The following ASTN1 variants were observed in gnomAD, a reference collection of about 807,000 sequenced individuals.
The protein encoded by ASTN1 is astrotactin-1.
ASTN1 carries 41 observed loss-of-function variants against 140.7 expected under a neutral mutation model. The observed-to-expected ratio is 0.29, with a 90% CI of 0.23 to 0.38. The LOEUF (loss-of-function observed/expected upper bound fraction) is 0.38, where lower values mean the gene tolerates loss of function less well. ASTN1 is among the 10% of genes least tolerant of loss of function. The pLI, the probability that ASTN1 is intolerant of heterozygous loss-of-function variation, is 1.00. For synonymous variants in ASTN1, 640 were observed against 652.2 expected (o/e 0.98, Z 0.29); for missense variants, 1,479 against 1,678.8 (o/e 0.88, Z 2.08).
At chr1:177,106,079 G>A (rs575140225) in intron 1 of ASTN1, among the ~76,000 whole-genome samples, 11 of 152,252 alleles carry the variant, frequency 7.2e-5, no homozygotes, top group Admixed American at 2.0e-4. Flanking sequence ...CCAGGAACTG[G>A]TGCATACCAG....
chr1:177,003,273 A>G (rs573137229), intron 8 of ASTN1, among the ~76,000 whole-genome samples: 130 of 105,070 alleles, frequency 1.2e-3, no homozygotes, highest in Non-Finnish European at 2.0e-3. Context: ...CCAACAACAC[A>G]TTAAAAAAAA....
chr1:177,004,999 T>C (rs572986895), intron 8 of ASTN1, among the ~76,000 whole-genome samples: 1 of 152,240 alleles, frequency 6.6e-6, no homozygotes, highest in South Asian at 2.1e-4. Context: ...ACTAAAAAGC[T>C]TCTGCACAGC....
At chr1:177,089,066 G>A (rs983634475) in intron 1 of ASTN1, among the ~76,000 whole-genome samples, 13 of 152,118 alleles carry the variant, frequency 8.5e-5, no homozygotes, top group Admixed American at 3.3e-4. Flanking sequence ...AGACAAAGGT[G>A]GTGAGCAAGC....
At chr1:177,159,783 A>G (rs925771790) in intron 1 of ASTN1, among the ~76,000 whole-genome samples, 1 of 152,266 alleles carries the variant, frequency 6.6e-6, no homozygotes, top group East Asian at 1.9e-4. Flanking sequence ...AGCACTGAAC[A>G]TATTACCTTC....
At chr1:177,042,571 C>G (rs1677028155) in intron 2 of ASTN1, among the ~76,000 whole-genome samples, 1 of 152,220 alleles carries the variant, frequency 6.6e-6, no homozygotes, top group African/African-American at 2.4e-5. Context: ...AGAAGTAATA[C>G]TAATGATAAC....
chr1:177,092,062 T>C (rs1268197510), intron 1 of ASTN1, among the ~76,000 whole-genome samples: 2 of 152,178 alleles, frequency 1.3e-5, no homozygotes, highest in Non-Finnish European at 2.9e-5. Context: ...TGTTTAACTT[T>C]TTGAAGAAAT....
chr1:176,961,204 A>G (rs1235131511), intron 9 of ASTN1, among the ~76,000 whole-genome samples: 1 of 152,186 alleles, frequency 6.6e-6, no homozygotes, highest in Non-Finnish European at 1.5e-5. Context: ...TTAAAGGTGG[A>G]AGCAAAGGTG....
intron 11 of ASTN1, among the ~76,000 whole-genome samples, chr1:176,952,392 G>A (rs1421443935): frequency 2.6e-5 from 4 of 151,836 alleles, no homozygotes; most frequent in African/African-American, 9.7e-5. Flanking sequence ...CCTTGATGGC[G>A]AGTCAAGATC....
chr1:176,985,373 C>G (rs903433105), intron 8 of ASTN1, among the ~76,000 whole-genome samples: 2 of 152,066 alleles, frequency 1.3e-5, no homozygotes, highest in African/African-American at 2.4e-5. Context: ...CTCTCTCCCC[C>G]GCTTGTCTCC....
intron 2 of ASTN1, among the ~76,000 whole-genome samples, chr1:177,038,760 G>A (rs948593354): frequency 3.9e-5 from 6 of 152,098 alleles, no homozygotes; most frequent in African/African-American, 1.4e-4. Context: ...ACACACGTAT[G>A]GTTCCTGATC....
chr1:176,929,278 A>G (rs12569108), intron 16 of ASTN1, among the ~76,000 whole-genome samples: 17,914 of 152,256 alleles, frequency 0.12, 1,342 homozygotes, highest in Admixed American at 0.18. Flanking sequence ...ATTATCTTGA[A>G]TTATCTGGGT....
intron 21 of ASTN1, 65 bp from the exon 22 acceptor site, chr1:176,869,092 C>T (rs1668239227): frequency 1.8e-6 from 2 of 1,109,588 alleles, no homozygotes; most frequent in Non-Finnish European, 2.4e-6. Context: ...TATATACACA[C>T]ATTATATATG....
chr1:177,080,497 C>T (rs972617843), intron 1 of ASTN1, among the ~76,000 whole-genome samples: 1 of 152,132 alleles, frequency 6.6e-6, no homozygotes, highest in African/African-American at 2.4e-5. Flanking sequence ...TGTGAAGTAA[C>T]TCTTTTCTGT....
chr1:177,047,165 A>C (rs1677273157), intron 2 of ASTN1, among the ~76,000 whole-genome samples: 1 of 152,220 alleles, frequency 6.6e-6, no homozygotes. Flanking sequence ...GAATTGCATG[A>C]AACTTCTTCA....
chr1:176,947,146 C>A (rs1411331245), intron 12 of ASTN1, among the ~76,000 whole-genome samples: 2 of 152,120 alleles, frequency 1.3e-5, no homozygotes, highest in African/African-American at 2.4e-5. Flanking sequence ...TACATGGAAA[C>A]CTTGGGCCAG....
intron 16 of ASTN1, among the ~76,000 whole-genome samples, chr1:176,912,846 G>A (rs1452694367): frequency 1.3e-5 from 2 of 152,220 alleles, no homozygotes; most frequent in South Asian, 2.1e-4. Context: ...AGATCTCTGC[G>A]ATTACTACAT....
intron 8 of ASTN1, among the ~76,000 whole-genome samples, chr1:176,985,848 A>T: frequency 2.1e-5 from 1 of 48,238 alleles, no homozygotes; most frequent in African/African-American, 1.5e-4. Flanking sequence ...CTCTCTCTAC[A>T]CACACACACA....
chr1:177,058,296 C>A (rs574821600), intron 2 of ASTN1, among the ~76,000 whole-genome samples: 1 of 152,254 alleles, frequency 6.6e-6, no homozygotes, highest in South Asian at 2.1e-4. Context: ...TGTCCACATA[C>A]AAGAGGCCAA....
At chr1:176,973,344 T>C (rs936339935) in intron 8 of ASTN1, among the ~76,000 whole-genome samples, 1 of 152,276 alleles carries the variant, frequency 6.6e-6, no homozygotes, top group Admixed American at 6.5e-5. Context: ...TTAAATTATG[T>C]CATTCATTAT....
Sources: allele counts gnomAD v4.1 joint callset (sites outside exome capture counted in the v4.1 genomes callset), GRCh38; gene constraint gnomAD v4.1.1; transcripts MANE v1.5; gene names NCBI Gene and HGNC (gene_info 2026-07-23, HGNC 2026-07-21).